Variants in TMEM74 observed in about 807,000 individuals in gnomAD.
The protein encoded by TMEM74 is transmembrane protein 74.
A neutral mutation model predicts 18.1 loss-of-function variants in TMEM74; 13 were observed. The observed-to-expected ratio is 0.72, with a 90% CI of 0.47 to 1.14. The LOEUF (loss-of-function observed/expected upper bound fraction) is 1.14. Ranked by LOEUF, TMEM74 falls within the 50% of genes most tolerant of loss-of-function variation. The pLI is 0.00. For synonymous variants in TMEM74, 159 were observed against 146.6 expected, an observed-to-expected ratio of 1.08 and a Z score of -0.61; for missense variants, 372 against 375.9, an observed-to-expected ratio of 0.99 and a Z score of 0.09.
chr8:108,679,353 C>T lies in TMEM74; in HGVS notation n.120-23916G>A, dbSNP rs1386622279. 5.9e-5 allele frequency among the ~76,000 whole-genome samples: 9 copies of T among 152,332 alleles called. No homozygotes were observed. In the East Asian group the frequency reaches 1.7e-3, roughly 29 times the overall value. ...ATTCCACAAGGGCTGAACTAGTTTA[C>T]AGTCCCACCAACAGTGTAAAAGTGT... On this transcript the variant is annotated intron_variant and non_coding_transcript_variant, in intron 1 of 3. Coordinates refer to the TMEM74 transcript ENST00000518838.
At chr8:108,686,674 T>G (rs542061570) in intron 1 of TMEM74, among the ~76,000 whole-genome samples, 2 of 121,896 alleles carry the variant, frequency 1.6e-5, no homozygotes, top group Non-Finnish European at 3.4e-5. Flanking sequence ...AGTCCAACAT[T>G]TGTAGAAAAA....
intron 2 of TMEM74, among the ~76,000 whole-genome samples, chr8:108,610,023 T>G (rs1480026204): frequency 6.6e-6 from 1 of 152,190 alleles, no homozygotes; most frequent in East Asian, 1.9e-4. Flanking sequence ...CTGTCGCCCT[T>G]TAGTGTGCAT....
At chr8:108,611,124 G>C (rs978062490) in intron 2 of TMEM74, among the ~76,000 whole-genome samples, 1 of 152,120 alleles carries the variant, frequency 6.6e-6, no homozygotes, top group African/African-American at 2.4e-5. Flanking sequence ...TCAATTTCTG[G>C]AGTTTTAAAG....
At chr8:108,675,771 T>C (rs1813050419) in intron 1 of TMEM74, among the ~76,000 whole-genome samples, 1 of 152,248 alleles carries the variant, frequency 6.6e-6, no homozygotes, top group South Asian at 2.1e-4. Flanking sequence ...CTGAGTATGC[T>C]TACACTTAGA....
Position 108,784,624 on chromosome 8 carries a change from C to A in TMEM74, c.475G>T (p.Glu159Ter), listed in dbSNP as rs765862143. The A allele has an allele frequency of 5.0e-6, 8 of 1,614,182 alleles. No individual in the cohort carries two copies. The highest frequency in any genetic ancestry group is 6.8e-6 in the Non-Finnish European group (8 of 1,180,034). ...GCTTCTGAACTTGTATCATCCTCCTCTTCAGATATCAAAGATATGGCAGCC... is the reference window on the plus strand; with the variant it reads ...GCTTCTGAACTTGTATCATCCTCCTATTCAGATATCAAAGATATGGCAGCC... ...QEAAISLISE[E>*]EDDTSSEATS... Residue 159 changes from glutamate (E) to a stop codon, truncating the protein, a stop_gained, in exon 2 of 2, where the codon GAG (glutamate) becomes TAG (stop). Coordinates refer to ENST00000297459, the MANE Select transcript of TMEM74 (RefSeq NM_153015.3). LOFTEE classifies it high-confidence loss of function.
chr8:108,636,605 C>A (rs977305073), intron 2 of TMEM74, among the ~76,000 whole-genome samples: 1 of 151,998 alleles, frequency 6.6e-6, no homozygotes, highest in Non-Finnish European at 1.5e-5. Context: ...GAAGATCAGG[C>A]CTACCTGAGG....
chr8:108,757,971 T>C (rs1813996810), intron 1 of TMEM74, among the ~76,000 whole-genome samples: 1 of 152,088 alleles, frequency 6.6e-6, no homozygotes, highest in South Asian at 2.1e-4. Flanking sequence ...TAAATTCTTT[T>C]GTCACTTGAG....
chr8:108,758,203 AC>A (rs1814000205), intron 1 of TMEM74, among the ~76,000 whole-genome samples: 1 of 152,056 alleles, frequency 6.6e-6, no homozygotes, highest in Non-Finnish European at 1.5e-5. Flanking sequence ...ACAAAATAAA[AC>A]AAAACAGAAC....
At chr8:108,661,378 C>CTTTTT (rs760545466) in intron 1 of TMEM74, among the ~76,000 whole-genome samples, 1,310 of 86,640 alleles carry the variant, frequency 0.015, 10 homozygotes, top group Non-Finnish European at 0.017. Flanking sequence ...CCTTGCAGCT[C>CTTTTT]TTTTTTTTTT....
At chr8:108,691,765 T>C (rs1394220546) in intron 1 of TMEM74, among the ~76,000 whole-genome samples, 1 of 152,188 alleles carries the variant, frequency 6.6e-6, no homozygotes, top group East Asian at 1.9e-4. Context: ...GTTCTACAGT[T>C]GTAGTAAGGC....
chr8:108,656,845 C>T (rs962814515), intron 1 of TMEM74, among the ~76,000 whole-genome samples: 8 of 152,142 alleles, frequency 5.3e-5, no homozygotes, highest in African/African-American at 1.9e-4. Context: ...AAAATTAGAT[C>T]TTGTCCAATA....
chr8:108,616,370 G>A (rs935937314), intron 2 of TMEM74, among the ~76,000 whole-genome samples: 8 of 152,084 alleles, frequency 5.3e-5, no homozygotes, highest in African/African-American at 1.9e-4. Context: ...TAAATCAGGC[G>A]GAATACAATG....
chr8:108,772,745 A>C (rs768998167), intron 1 of TMEM74, among the ~76,000 whole-genome samples: 2 of 152,160 alleles, frequency 1.3e-5, no homozygotes, highest in Non-Finnish European at 2.9e-5. Context: ...CCACTTGGTA[A>C]CTTTAACCTC....
intron 1 of TMEM74, among the ~76,000 whole-genome samples, chr8:108,748,487 T>C (rs3019365): frequency 0.38 from 57,052 of 151,816 alleles, 11,059 homozygotes; most frequent in African/African-American, 0.45. Flanking sequence ...CATGGATAGA[T>C]TGTAAAAATT....
exon 2 of TMEM74, chr8:108,655,329 T>C (rs1413551265): frequency 6.6e-6 from 1 of 152,108 alleles, no homozygotes; most frequent in Admixed American, 6.6e-5. Context: ...TCTGGAATCT[T>C]CTTGAATCTT....
At chr8:108,756,638 GGAA>G (rs1813969920) in intron 1 of TMEM74, among the ~76,000 whole-genome samples, 2 of 69,322 alleles carry the variant, frequency 2.9e-5, no homozygotes, top group African/African-American at 1.4e-4. Context: ...AAGGAAGGAA[GGAA>G]GAAAGAAAGA....
Position 108,659,240 on chromosome 8 carries a change from A to G in TMEM74, n.120-3803T>C, listed in dbSNP as rs187339752. Reference sequence around the variant, plus strand: ...GGTTTGATCCTGAGGTGTGGCCTTTATAGATAGCCCACTAACACACACACA... The same window carrying G: ...GGTTTGATCCTGAGGTGTGGCCTTTGTAGATAGCCCACTAACACACACACA... On this transcript the variant is annotated intron_variant and non_coding_transcript_variant, in intron 1 of 3. Transcript: ENST00000518838. 4.4e-4 allele frequency among the ~76,000 whole-genome samples: 11 copies of G among 24,914 alleles called. No homozygotes were observed. In the East Asian group the frequency reaches 0.11, roughly 249 times the overall value. 16.3% of individuals were successfully genotyped at this position (24,914 alleles called of 152,430 possible).
At chr8:108,608,495 G>A (rs952902185) in intron 3 of TMEM74, among the ~76,000 whole-genome samples, 5 of 152,056 alleles carry the variant, frequency 3.3e-5, no homozygotes, top group South Asian at 2.1e-4. Context: ...ATAATACCTG[G>A]CACATATTAA....
intron 1 of TMEM74, among the ~76,000 whole-genome samples, chr8:108,696,539 A>G (rs1813283332): frequency 6.6e-6 from 1 of 152,242 alleles, no homozygotes; most frequent in Non-Finnish European, 1.5e-5. Context: ...GGTGCGGCAT[A>G]AAATGAGAAA....
Sources: gnomAD v4.1 joint callset for allele counts (sites outside exome capture counted in the v4.1 genomes callset) on GRCh38, gnomAD v4.1.1 for gene constraint, MANE v1.5 for transcripts, NCBI Gene and HGNC (gene_info 2026-07-23, HGNC 2026-07-21) for gene names.